TENM1: variants seen among roughly 807,000 people sequenced by gnomAD.
TENM1 encodes the protein teneurin transmembrane protein 1, also known as teneurin-1.
In TENM1, 35 loss-of-function variants were observed where a neutral mutation model predicts 174.8. That is an observed-to-expected ratio of 0.20 (90% CI 0.15 to 0.27). The LOEUF (loss-of-function observed/expected upper bound fraction) is 0.27. Among genes scored for constraint, TENM1 ranks in the 10% least tolerant of loss-of-function variants. TENM1 has a pLI of 1.00. For missense variants in TENM1, 1,633 were observed against 2,130.1 expected, an observed-to-expected ratio of 0.77 and a Z score of 4.59; for synonymous variants, 781 against 798.7, an observed-to-expected ratio of 0.98 and a Z score of 0.37.
At chrX:124,388,024 G>A (rs965931563) in intron 28 of TENM1, among the ~76,000 whole-genome samples, 3 of 112,224 alleles carry the variant, frequency 2.7e-5, no homozygotes, top group Non-Finnish European at 5.6e-5. Flanking sequence ...AGGTGGCAGG[G>A]GGCAGGGGTG....
intron 10 of TENM1, among the ~76,000 whole-genome samples, chrX:124,644,043 G>A (rs866310355): frequency 8.6e-5 from 6 of 70,050 alleles, no homozygotes; most frequent in African/African-American, 3.1e-4. Flanking sequence ...AATATAAATG[G>A]CATATATATA....
intron 6 of TENM1, 67 bp from the exon 10 acceptor site, chrX:124,653,850 C>T (rs989587456): frequency 1.9e-5 from 18 of 964,900 alleles, no homozygotes; most frequent in Non-Finnish European, 2.3e-5. Flanking sequence ...TGGTTTTTAG[C>T]TTTTCAAGAA....
At chrX:125,145,565 T>C in the TENM1 span, among the ~76,000 whole-genome samples, 1 of 112,609 alleles carries the variant, frequency 8.9e-6, no homozygotes, top group Non-Finnish European at 1.9e-5. Context: ...TGTGCAACAT[T>C]AATATTAATA....
At chrX:124,718,603 A>AAG (rs2053240613) in intron 4 of TENM1, among the ~76,000 whole-genome samples, 1 of 112,197 alleles carries the variant, frequency 8.9e-6, no homozygotes. Flanking sequence ...AGAGGCTCAG[A>AAG]TTTAAATGGA....
chrX:124,420,285 G>T (rs764402223), intron 25 of TENM1, 26 bp downstream of exon 28: 1 of 1,173,947 alleles, frequency 8.5e-7, no homozygotes, highest in African/African-American at 1.8e-5. Context: ...ACCTAACAAA[G>T]CCCATGTCAA....
chrX:124,934,919 T>C (rs2058223244), intron 1 of TENM1, among the ~76,000 whole-genome samples: 1 of 110,643 alleles, frequency 9.0e-6, no homozygotes, highest in Non-Finnish European at 1.9e-5. Context: ...GTATCACTTA[T>C]TGAAAGATCG....
intron 3 of TENM1, among the ~76,000 whole-genome samples, chrX:124,776,061 C>A (rs2054775952): frequency 1.8e-5 from 2 of 111,814 alleles, no homozygotes; most frequent in Non-Finnish European, 3.8e-5. Flanking sequence ...AGGAATAAAT[C>A]TGTTAGTTCA....
chrX:125,141,834 G>A, the TENM1 span, among the ~76,000 whole-genome samples: 1 of 110,717 alleles, frequency 9.0e-6, no homozygotes, highest in Non-Finnish European at 1.9e-5. Context: ...TATATTTCTG[G>A]AAATATAGCA....
At chrX:124,382,316 T>C (rs2060167062) in intron 31 of TENM1, among the ~76,000 whole-genome samples, 1 of 111,732 alleles carries the variant, frequency 8.9e-6, no homozygotes, top group Non-Finnish European at 1.9e-5. Flanking sequence ...TATTTTACAG[T>C]TGGAAATCTG....
At chrX:124,678,015 G>T (rs1180901589) in intron 5 of TENM1, among the ~76,000 whole-genome samples, 2 of 111,606 alleles carry the variant, frequency 1.8e-5, no homozygotes, top group Non-Finnish European at 3.8e-5. Context: ...AAAAGAGAGA[G>T]AAAAAGGACT....
intron 3 of TENM1, among the ~76,000 whole-genome samples, chrX:124,738,155 A>C (rs1181332532): frequency 8.9e-6 from 1 of 111,956 alleles, no homozygotes; most frequent in Non-Finnish European, 1.9e-5. Flanking sequence ...AATAGATGTC[A>C]AGTGATTTCT....
At chrX:124,941,765 A>G (rs113578024) in intron 1 of TENM1, among the ~76,000 whole-genome samples, 2 of 111,420 alleles carry the variant, frequency 1.8e-5, no homozygotes, top group African/African-American at 3.3e-5. Context: ...TAGAAATTGT[A>G]TTAGTTCATT....
chrX:124,961,835 G>GT (rs1487510613), intron 1 of TENM1, among the ~76,000 whole-genome samples: 1 of 110,884 alleles, frequency 9.0e-6, no homozygotes, highest in Non-Finnish European at 1.9e-5. Flanking sequence ...CAAGAAAGAT[G>GT]TAACAGCACA....
At chrX:124,551,993 C>CTA (rs1421845572) in intron 14 of TENM1, among the ~76,000 whole-genome samples, 1 of 111,863 alleles carries the variant, frequency 8.9e-6, no homozygotes, top group East Asian at 2.8e-4. Flanking sequence ...ATTTTATGAA[C>CTA]TATGCTTGGT....
At chrX:124,500,557 A>G (rs1186480135) in intron 19 of TENM1, among the ~76,000 whole-genome samples, 1 of 111,834 alleles carries the variant, frequency 8.9e-6, no homozygotes, top group South Asian at 3.7e-4. Flanking sequence ...TATTTATGTG[A>G]AGGCCAACTT....
the TENM1 span, among the ~76,000 whole-genome samples, chrX:124,997,289 G>T: frequency 9.0e-6 from 1 of 111,660 alleles, no homozygotes; most frequent in East Asian, 2.8e-4. Flanking sequence ...TCTTCAAAGT[G>T]AATGAGCTGA....
At chrX:125,016,511 G>A in the TENM1 span, among the ~76,000 whole-genome samples, 4 of 111,214 alleles carry the variant, frequency 3.6e-5, no homozygotes, top group East Asian at 5.7e-4. Context: ...TACAAGGGAC[G>A]TGAAGGACCT....
chrX:124,541,551 C>T (rs965368099), intron 15 of TENM1, among the ~76,000 whole-genome samples: 2 of 112,239 alleles, frequency 1.8e-5, no homozygotes, highest in Admixed American at 1.9e-4. Context: ...CATCATGCTT[C>T]CTGTAAAGCC....
chrX:124,848,905 T>C (rs752729297), intron 3 of TENM1, among the ~76,000 whole-genome samples: 24 of 111,639 alleles, frequency 2.1e-4, no homozygotes, highest in Non-Finnish European at 4.2e-4. Context: ...CACCTCTGGA[T>C]AGGGGAAGGG....
Sources: allele counts gnomAD v4.1 joint callset (sites outside exome capture counted in the v4.1 genomes callset), GRCh38; gene constraint gnomAD v4.1.1; transcripts MANE v1.5; gene names NCBI Gene and HGNC (gene_info 2026-07-23, HGNC 2026-07-21).